IFIH1: variants seen among roughly 807,000 people sequenced by gnomAD.
IFIH1 encodes the protein interferon induced with helicase C domain 1.
A neutral mutation model predicts 107.4 loss-of-function variants in IFIH1; 125 were observed. The observed-to-expected ratio is 1.16, with a 90% CI of 1.01 to 1.35. The LOEUF is 1.35. IFIH1 is among the 40% of genes most tolerant of loss of function. IFIH1 has a pLI of 0.00. For synonymous variants in IFIH1, 458 were observed against 413.2 expected, an observed-to-expected ratio of 1.11 and a Z score of -1.31; for missense variants, 1,333 against 1,213.7, an observed-to-expected ratio of 1.10 and a Z score of -1.46.
chr2:162,318,276 A>AAATTCTCGTCTGTGG lies in IFIH1; in HGVS notation c.17_31dup (p.Ser6_Asn10dup). 1 of 1,613,902 alleles carries AAATTCTCGTCTGTGG rather than the reference A, an allele frequency of 6.2e-7. No individual in the cohort carries two copies. Among genetic ancestry groups the AAATTCTCGTCTGTGG allele is most frequent in the South Asian group, 1.1e-5 (1 of 91,082 alleles). ...CCTGAAGCACGAGATGAGATAGCGG[A>AAATTCTCGTCTGTGG]AATTCTCGTCTGTGGAATACCCATT... is the stretch of plus-strand genomic sequence containing the variant. On this transcript the variant is annotated inframe_insertion, in exon 1 of 16. Transcript: ENST00000649979.
chr2:162,311,168 T>G (rs981105591), intron 1 of IFIH1, among the ~76,000 whole-genome samples: 1 of 152,180 alleles, frequency 6.6e-6, no homozygotes, highest in Non-Finnish European at 1.5e-5. Context: ...AGTGTCCTTT[T>G]AAATATGAAC....
chr2:162,267,601 G>T (rs747436121), intron 14 of IFIH1, 32 bp from the exon 15 acceptor site: 2 of 1,470,846 alleles, frequency 1.4e-6, no homozygotes, highest in South Asian at 1.1e-5. Flanking sequence ...AATCATCATG[G>T]AGAACTGACA....
chr2:162,310,300 T>C (rs1349865336), intron 2 of IFIH1: 1 of 166,856 alleles, frequency 6.0e-6, no homozygotes, highest in Non-Finnish European at 1.3e-5. Flanking sequence ...ATGTTATTAC[T>C]ATTATTGAAT....
intron 3 of IFIH1, among the ~76,000 whole-genome samples, chr2:162,302,165 T>A (rs1038711605): frequency 1.3e-5 from 2 of 152,118 alleles, no homozygotes; most frequent in South Asian, 4.1e-4. Context: ...GGGCCACTGT[T>A]ACTGATGGTA....
intron 4 of IFIH1, among the ~76,000 whole-genome samples, chr2:162,292,181 T>C (rs1460254538): frequency 6.6e-6 from 1 of 151,854 alleles, no homozygotes; most frequent in African/African-American, 2.4e-5. Context: ...TCCAAAAACT[T>C]AAAACAACCT....
chr2:162,276,545 C>A (rs879299817), intron 11 of IFIH1, 142 bp downstream of exon 11: 3 of 864,284 alleles, frequency 3.5e-6, no homozygotes, highest in Non-Finnish European at 5.2e-6. Context: ...GTCAAGGGTG[C>A]AGTGAATCTT....
chr2:162,274,750 G>A (rs1691118326), intron 11 of IFIH1, among the ~76,000 whole-genome samples: 1 of 152,114 alleles, frequency 6.6e-6, no homozygotes, highest in South Asian at 2.1e-4. Flanking sequence ...GGACAATGTG[G>A]TTTTATTTTC....
chr2:162,309,233 G>T (rs1201945060), intron 2 of IFIH1, among the ~76,000 whole-genome samples: 1 of 152,168 alleles, frequency 6.6e-6, no homozygotes, highest in Admixed American at 6.5e-5. Context: ...GGCTCTGCAA[G>T]ACAGCCTGCT....
chr2:162,296,684 C>T (rs933574937), intron 3 of IFIH1, among the ~76,000 whole-genome samples: 11 of 152,236 alleles, frequency 7.2e-5, no homozygotes, highest in African/African-American at 2.4e-4. Context: ...ACATTTCTAT[C>T]CATCTTGAAA....
intron 3 of IFIH1, among the ~76,000 whole-genome samples, chr2:162,296,922 G>T (rs1025397524): frequency 1.3e-5 from 2 of 152,110 alleles, no homozygotes; most frequent in East Asian, 1.9e-4. Context: ...TATGGAGCTC[G>T]ATTTCTTTGT....
intron 3 of IFIH1, among the ~76,000 whole-genome samples, chr2:162,306,434 T>C (rs1683281385): frequency 6.6e-6 from 1 of 152,230 alleles, no homozygotes. Context: ...ATATAAGGCA[T>C]TCTTATACTT....
At chr2:162,277,043 A>T (rs1486069803) in intron 10 of IFIH1, 97 bp from the exon 11 acceptor site, 3 of 806,718 alleles carry the variant, frequency 3.7e-6, no homozygotes, top group Non-Finnish European at 5.7e-6. Context: ...AAAAATATAC[A>T]GTTTTATTGA....
chr2:162,311,290 A>G (rs376361480), intron 1 of IFIH1, among the ~76,000 whole-genome samples: 37 of 152,240 alleles, frequency 2.4e-4, no homozygotes, highest in Admixed American at 7.8e-4. Context: ...GTCTGCAGCC[A>G]TGTTATGTCT....
intron 3 of IFIH1, among the ~76,000 whole-genome samples, chr2:162,299,508 A>G (rs1054144227): frequency 2.6e-5 from 4 of 152,024 alleles, no homozygotes; most frequent in Non-Finnish European, 5.9e-5. Flanking sequence ...CATGGTGTAA[A>G]TATTCACACC....
intron 2 of IFIH1, among the ~76,000 whole-genome samples, chr2:162,308,290 G>T (rs1683325073): frequency 6.6e-6 from 1 of 152,122 alleles, no homozygotes; most frequent in African/African-American, 2.4e-5. Context: ...GAGAGAGAAA[G>T]AGACAGATGT....
chr2:162,317,064 C>T (rs747542247), intron 1 of IFIH1, among the ~76,000 whole-genome samples: 2 of 147,008 alleles, frequency 1.4e-5, no homozygotes, highest in Non-Finnish European at 3.0e-5. Flanking sequence ...TGCAATTTAC[C>T]CATTTGGGCT....
chr2:162,294,670 A>G (rs1683053513), intron 3 of IFIH1, among the ~76,000 whole-genome samples: 1 of 151,954 alleles, frequency 6.6e-6, no homozygotes. Context: ...AATTGCTGGC[A>G]ATTAGAAAAT....
intron 1 of IFIH1, among the ~76,000 whole-genome samples, chr2:162,313,049 A>G (rs922342049): frequency 6.6e-6 from 1 of 152,172 alleles, no homozygotes; most frequent in Non-Finnish European, 1.5e-5. Flanking sequence ...GTCCAAGCAT[A>G]TAAGGATCAT....
intron 8 of IFIH1, 44 bp downstream of exon 8, chr2:162,279,952 A>AT: frequency 1.0e-6 from 1 of 987,750 alleles, no homozygotes; most frequent in South Asian, 1.3e-5. Flanking sequence ...TTTCTACTGA[A>AT]TGTAGTATTG....
Sources: gnomAD v4.1 joint callset for allele counts (sites outside exome capture counted in the v4.1 genomes callset) on GRCh38, gnomAD v4.1.1 for gene constraint, MANE v1.5 for transcripts, NCBI Gene and HGNC (gene_info 2026-07-23, HGNC 2026-07-21) for gene names.